Variants in TBC1D16 observed in about 807,000 individuals in gnomAD.
The protein encoded by TBC1D16 is TBC1 domain family member 16.
A neutral mutation model predicts 74.7 loss-of-function variants in TBC1D16; 58 were observed. The ratio of observed to expected loss-of-function variants is 0.78; its 90% CI spans 0.63 to 0.97. TBC1D16 has a LOEUF of 0.97. TBC1D16 is among the 50% of genes least tolerant of loss of function. The pLI is 0.00. For missense variants in TBC1D16, 1,014 were observed against 1,079.5 expected (o/e 0.94, Z 0.85); for synonymous variants, 493 against 474.7 (o/e 1.04, Z -0.50).
In TBC1D16 at chr17:79,944,197, G is replaced by T; in HGVS notation, c.1908+711C>A. On this transcript the variant is annotated intron_variant, in intron 10 of 11. Transcript: ENST00000310924. This position sits in a 1 kb window ranked among gnomAD's most constrained non-coding sequence, Gnocchi z 7.7. Reference sequence around the variant, plus strand: ...CCATCTTCAGGGTTCTCTGACGGAGGCTGCTGGAGCTGCCGTGGTGGATAG... The same window carrying T: ...CCATCTTCAGGGTTCTCTGACGGAGTCTGCTGGAGCTGCCGTGGTGGATAG... 6.7e-7 allele frequency: 1 copy of T among 1,499,736 alleles called. No individual in the cohort carries two copies. The highest frequency in any genetic ancestry group is 1.4e-5 in the African/African-American group (1 of 72,480). 92.9% of individuals were successfully genotyped at this position (1,499,736 alleles called of 1,614,324 possible).
chr17:80,002,818 C>T (rs2035540317), intron 3 of TBC1D16, among the ~76,000 whole-genome samples: 1 of 152,254 alleles, frequency 6.6e-6, no homozygotes, highest in African/African-American at 2.4e-5. Context: ...GGCACAGGCA[C>T]AGGACCGCGT....
Position 79,941,477 on chromosome 17 carries a change from G to A in TBC1D16, c.2056-370C>T, listed in dbSNP as rs113935718. Among the ~76,000 whole-genome samples the A allele has an allele frequency of 9.3e-5, 14 of 150,856 alleles. No homozygotes were observed. Among genetic ancestry groups the A allele is most frequent in the East Asian group, 7.8e-4 (4 of 5,114 alleles). On this transcript the variant is annotated intron_variant, in intron 11 of 11. Coordinates refer to ENST00000310924, the MANE Select transcript of TBC1D16 (RefSeq NM_019020.4). The surrounding 1 kb of genome is among the most constrained non-coding windows in gnomAD (Gnocchi z 4.3). ...GGCAGCACCCCTCTCTTCTTCCCCC[G>A]CACCTTGCTCCACCCCCCACCCCCA...
At position 79,961,952 on chromosome 17, in the gene TBC1D16, G is replaced by A. The variant is rs188927909; in HGVS notation, c.780-9134C>T. On this transcript the variant is annotated intron_variant, in intron 3 of 11. Coordinates refer to ENST00000310924, the MANE Select transcript of TBC1D16 (RefSeq NM_019020.4). The surrounding 1 kb of genome is among the most constrained non-coding windows in gnomAD (Gnocchi z 4.8). Reference sequence around the variant, plus strand: ...TCAACAGCCAATGCAGTAATGAATCGTGGTCTGTACATACCATGGCATACT... The same window carrying A: ...TCAACAGCCAATGCAGTAATGAATCATGGTCTGTACATACCATGGCATACT... 5.8e-4 allele frequency among the ~76,000 whole-genome samples: 89 copies of A among 152,186 alleles called. No homozygotes were observed. Among genetic ancestry groups the A allele is most frequent in the African/African-American group, 1.9e-3 (78 of 41,526 alleles).
At chr17:79,991,356 G>A (rs1455097225) in intron 3 of TBC1D16, among the ~76,000 whole-genome samples, 1 of 151,816 alleles carries the variant, frequency 6.6e-6, no homozygotes, top group Non-Finnish European at 1.5e-5. Flanking sequence ...AGGGGAGGCT[G>A]AGGCTGACGC....
intron 3 of TBC1D16, among the ~76,000 whole-genome samples, chr17:79,973,505 C>G (rs996239901): frequency 2.6e-5 from 4 of 152,166 alleles, no homozygotes; most frequent in Non-Finnish European, 4.4e-5. Flanking sequence ...GTCAGGAGAT[C>G]AAGACCATCC....
At chr17:80,018,547 G>C (rs1279365228) in intron 1 of TBC1D16, among the ~76,000 whole-genome samples, 1 of 149,714 alleles carries the variant, frequency 6.7e-6, no homozygotes, top group South Asian at 2.1e-4. Flanking sequence ...CTCCCAAAGT[G>C]CTGGGATTAC....
intron 1 of TBC1D16, among the ~76,000 whole-genome samples, chr17:80,016,649 CTGG>C (rs1244955802): frequency 6.6e-6 from 1 of 152,152 alleles, no homozygotes; most frequent in Admixed American, 6.5e-5. Flanking sequence ...CTCAGCAGAA[CTGG>C]CTCCCAGCCT....
In TBC1D16 at chr17:79,937,226, A is replaced by C. The variant is rs1185538628; in HGVS notation, c.*3633T>G. ...CTGTGCCCCACATCTATTTCTGCCA[A>C]ACAAGAAGCAGACGAGGGGGCTCAG... On this transcript the variant is annotated 3_prime_UTR_variant, in exon 12 of 12. Transcript: ENST00000310924. 1.2e-5 allele frequency: 1 copy of C among 82,094 alleles called. No homozygotes were observed. Among genetic ancestry groups the C allele is most frequent in the Non-Finnish European group, 2.9e-5 (1 of 34,350 alleles). The allele number at this position is 82,094 out of a possible 1,614,324, so 5.1% of individuals were successfully genotyped here.
chr17:79,982,780 A>G (rs1204156158), intron 3 of TBC1D16, among the ~76,000 whole-genome samples: 2 of 152,000 alleles, frequency 1.3e-5, no homozygotes, highest in Admixed American at 1.3e-4. Flanking sequence ...AATGACTTGA[A>G]CCCAGGGGGC....
At chr17:80,026,665 A>T (rs2036592340) in intron 1 of TBC1D16, among the ~76,000 whole-genome samples, 1 of 149,838 alleles carries the variant, frequency 6.7e-6, no homozygotes, top group South Asian at 2.1e-4. Context: ...AAGTTGTCTG[A>T]TGGGAGAGTT....
At chr17:80,025,591 G>GAGCACCTCCTTGCTGGA (rs144432305) in intron 1 of TBC1D16, among the ~76,000 whole-genome samples, 8 of 148,832 alleles carry the variant, frequency 5.4e-5, no homozygotes, top group African/African-American at 1.6e-4. Context: ...CGCCTGCTGG[G>GAGCACCTCCTTGCTGGA]AGCACCTCCT....
chr17:80,034,272 C>A (rs987376010), intron 1 of TBC1D16, among the ~76,000 whole-genome samples: 1 of 146,818 alleles, frequency 6.8e-6, no homozygotes, highest in Admixed American at 6.9e-5. Flanking sequence ...CACATCTTGG[C>A]TCACTGCAAC....
intron 3 of TBC1D16, among the ~76,000 whole-genome samples, chr17:79,984,095 A>G (rs1042134153): frequency 4.6e-5 from 7 of 151,996 alleles, no homozygotes; most frequent in Admixed American, 1.3e-4. Flanking sequence ...TTTGTTGCCC[A>G]GGCTGACCTT....
At chr17:80,002,623 G>A (rs901933191) in intron 3 of TBC1D16, among the ~76,000 whole-genome samples, 7 of 152,218 alleles carry the variant, frequency 4.6e-5, no homozygotes, top group South Asian at 2.1e-4. Context: ...TGGGAGGGTC[G>A]CTACGTTTCT....
chr17:79,937,274 G>A lies in TBC1D16; in HGVS notation c.*3585C>T, dbSNP rs531819841. On this transcript the variant is annotated 3_prime_UTR_variant, in exon 12 of 12. Coordinates refer to ENST00000310924, the MANE Select transcript of TBC1D16 (RefSeq NM_019020.4). Reference sequence around the variant, plus strand: ...CAGGGGGGCGGGCCTCACAGGAACGGAAGCACCACCCCACCTCTATTCCCT... The same window carrying A: ...CAGGGGGGCGGGCCTCACAGGAACGAAAGCACCACCCCACCTCTATTCCCT... 1.3e-5 allele frequency: 1 copy of A among 74,476 alleles called. No homozygotes were observed. Among genetic ancestry groups the A allele is most frequent in the South Asian group, 4.3e-4 (1 of 2,336 alleles). 4.6% of individuals were successfully genotyped at this position (74,476 alleles called of 1,614,324 possible). A position where few individuals can be genotyped will look rare whatever the true frequency, so the allele number is the denominator to read the frequency against.
intron 3 of TBC1D16, among the ~76,000 whole-genome samples, chr17:80,005,891 C>G (rs1187773087): frequency 1.3e-5 from 2 of 152,132 alleles, no homozygotes; most frequent in African/African-American, 4.8e-5. Flanking sequence ...CCTGGGGGAC[C>G]CTAGGCCCCC....
chr17:79,974,124 G>A (rs945035451), intron 3 of TBC1D16, among the ~76,000 whole-genome samples: 6 of 152,240 alleles, frequency 3.9e-5, no homozygotes, highest in African/African-American at 1.2e-4. Context: ...CAGCCGATCT[G>A]ATCACCCAGA....
At chr17:79,953,360 A>G (rs1011282038) in intron 3 of TBC1D16, among the ~76,000 whole-genome samples, 3 of 152,246 alleles carry the variant, frequency 2.0e-5, no homozygotes, top group Admixed American at 6.5e-5. Flanking sequence ...GGTTCTCAGT[A>G]CTATTAATAA....
chr17:79,963,952 G>T (rs971329094), intron 3 of TBC1D16, among the ~76,000 whole-genome samples: 7 of 151,432 alleles, frequency 4.6e-5, no homozygotes, highest in Non-Finnish European at 8.9e-5. Context: ...TGTTTGTTTG[G>T]TTGTTTGGTT....
Sources: allele counts gnomAD v4.1 joint callset (sites outside exome capture counted in the v4.1 genomes callset), GRCh38; gene constraint gnomAD v4.1.1; non-coding constraint Gnocchi (gnomAD v3.1); transcripts MANE v1.5; gene names NCBI Gene and HGNC (gene_info 2026-07-23, HGNC 2026-07-21).